DCAF8L2: variants seen among roughly 807,000 people sequenced by gnomAD.
DCAF8L2 encodes the protein DDB1- and CUL4-associated factor 8-like protein 2.
For synonymous variants in DCAF8L2, 200 were observed against 190.9 expected, an observed-to-expected ratio of 1.05 and a Z score of -0.39; for missense variants, 430 against 490.7, an observed-to-expected ratio of 0.88 and a Z score of 1.17.
chrX:27,706,338 C>A (rs1486103068), intron 3 of DCAF8L2, among the ~76,000 whole-genome samples: 1 of 107,542 alleles, frequency 9.3e-6, no homozygotes, highest in Non-Finnish European at 1.9e-5. Flanking sequence ...CTTTTTTTTT[C>A]TAATTTTGTG....
intron 2 of DCAF8L2, among the ~76,000 whole-genome samples, chrX:27,662,297 A>C (rs1196356379): frequency 8.9e-6 from 1 of 111,761 alleles, no homozygotes; most frequent in African/African-American, 3.2e-5. Flanking sequence ...GCATCAAATC[A>C]TAAAAATTAG....
intron 3 of DCAF8L2, among the ~76,000 whole-genome samples, chrX:27,678,190 GTTTTA>G (rs1342494389): frequency 1.8e-5 from 2 of 111,575 alleles, no homozygotes; most frequent in Non-Finnish European, 3.8e-5. Context: ...AAGACAAAAC[GTTTTA>G]TTTTATTTTA....
the DCAF8L2 span, among the ~76,000 whole-genome samples, chrX:27,514,754 G>A: frequency 9.4e-6 from 1 of 106,766 alleles, no homozygotes; most frequent in East Asian, 2.9e-4. Context: ...GAACAATGGA[G>A]GACATTACGT....
intron 4 of DCAF8L2, among the ~76,000 whole-genome samples, chrX:27,728,919 C>T (rs771747721): frequency 3.8e-4 from 43 of 111,739 alleles, no homozygotes; most frequent in African/African-American, 1.3e-3. Flanking sequence ...CTTCCTCACT[C>T]TTGTATCCAT....
chrX:27,661,960 A>G (rs1299751895), intron 2 of DCAF8L2, among the ~76,000 whole-genome samples: 5 of 112,045 alleles, frequency 4.5e-5, no homozygotes, highest in Non-Finnish European at 9.4e-5. Flanking sequence ...TTTTTTAGCT[A>G]AGACAATTTG....
At chrX:27,741,629 T>A (rs1056410023) in intron 4 of DCAF8L2, among the ~76,000 whole-genome samples, 7 of 111,708 alleles carry the variant, frequency 6.3e-5, no homozygotes, top group African/African-American at 2.3e-4. Flanking sequence ...GGGCACAGAA[T>A]GATGAGCGCC....
At chrX:27,620,094 C>G (rs770421327) in intron 1 of DCAF8L2, among the ~76,000 whole-genome samples, 51 of 111,492 alleles carry the variant, frequency 4.6e-4, no homozygotes, top group Non-Finnish European at 7.7e-4. Flanking sequence ...AATGTAAATT[C>G]AAGCTAATTG....
chrX:27,491,614 C>A, the DCAF8L2 span, among the ~76,000 whole-genome samples: 1 of 112,314 alleles, frequency 8.9e-6, no homozygotes, highest in African/African-American at 3.2e-5. Flanking sequence ...AACACTGTGG[C>A]AGGCATTTTG....
intron 4 of DCAF8L2, among the ~76,000 whole-genome samples, chrX:27,717,140 G>T (rs1343528384): frequency 1.8e-5 from 2 of 112,271 alleles, no homozygotes; most frequent in Admixed American, 9.4e-5. Flanking sequence ...TCATTGATGG[G>T]CATTTGGGTT....
chrX:27,613,918 T>A (rs939168957), intron 1 of DCAF8L2, among the ~76,000 whole-genome samples: 2 of 111,615 alleles, frequency 1.8e-5, no homozygotes, highest in Non-Finnish European at 3.8e-5. Flanking sequence ...ATTCTCTTTT[T>A]TTGTTGTGTC....
chrX:27,520,279 A>C, the DCAF8L2 span, among the ~76,000 whole-genome samples: 4 of 112,125 alleles, frequency 3.6e-5, no homozygotes, highest in African/African-American at 9.7e-5. Context: ...ATTATTTAGC[A>C]GGTTTATATT....
At chrX:27,702,615 C>T (rs1394991634) in intron 3 of DCAF8L2, among the ~76,000 whole-genome samples, 1 of 111,085 alleles carries the variant, frequency 9.0e-6, no homozygotes, top group Non-Finnish European at 1.9e-5. Context: ...ACATAATCAT[C>T]TTAATAGATA....
intron 1 of DCAF8L2, among the ~76,000 whole-genome samples, chrX:27,610,873 T>C (rs920640335): frequency 8.9e-5 from 10 of 112,420 alleles, no homozygotes; most frequent in Non-Finnish European, 1.7e-4. Context: ...GTGCTGGACA[T>C]GGTATCATTG....
At chrX:27,606,474 G>A (rs1276872058) in intron 1 of DCAF8L2, among the ~76,000 whole-genome samples, 1 of 99,678 alleles carries the variant, frequency 1.0e-5, no homozygotes, top group Non-Finnish European at 2.0e-5. Context: ...AGGTTGAAGC[G>A]ATTCTCCTGC....
the DCAF8L2 span, among the ~76,000 whole-genome samples, chrX:27,479,171 A>G: frequency 9.0e-6 from 1 of 110,877 alleles, no homozygotes; most frequent in East Asian, 2.9e-4. Context: ...CTATGTAGCC[A>G]GAAATTGAAG....
At chrX:27,711,399 G>A (rs1931525833) in intron 3 of DCAF8L2, among the ~76,000 whole-genome samples, 1 of 39,635 alleles carries the variant, frequency 2.5e-5, no homozygotes, top group Admixed American at 2.1e-4. Context: ...GTGTGTGTAC[G>A]TGTGTGTGTG....
chrX:27,471,177 C>T, the DCAF8L2 span, among the ~76,000 whole-genome samples: 9 of 111,833 alleles, frequency 8.0e-5, no homozygotes, highest in South Asian at 2.2e-3. Flanking sequence ...GTTGTATGGT[C>T]GTCTTTTCAT....
chrX:27,521,931 G>A, the DCAF8L2 span, among the ~76,000 whole-genome samples: 1 of 112,253 alleles, frequency 8.9e-6, no homozygotes, highest in African/African-American at 3.2e-5. Context: ...ATGTTTTGCT[G>A]AAAGGGGGAC....
chrX:27,637,725 G>A (rs761260828), intron 2 of DCAF8L2, among the ~76,000 whole-genome samples: 1 of 109,846 alleles, frequency 9.1e-6, no homozygotes, highest in East Asian at 3.0e-4. Context: ...ATAAAAGGGG[G>A]CTCAAAATTT....
Sources: allele counts gnomAD v4.1 joint callset (sites outside exome capture counted in the v4.1 genomes callset), GRCh38; gene constraint gnomAD v4.1.1; transcripts MANE v1.5; gene names NCBI Gene and HGNC (gene_info 2026-07-23, HGNC 2026-07-21).